The following TMEM117 variants were observed in gnomAD, a reference collection of about 807,000 sequenced individuals.
TMEM117 encodes the protein transmembrane protein 117.
In TMEM117, 27 loss-of-function variants were observed where a neutral mutation model predicts 52.4. The ratio of observed to expected loss-of-function variants is 0.51; its 90% CI spans 0.38 to 0.71. The LOEUF (loss-of-function observed/expected upper bound fraction) is 0.71. TMEM117 is among the 30% of genes least tolerant of loss of function. The pLI is 0.00. For missense variants in TMEM117, 556 were observed against 630.5 expected, an observed-to-expected ratio of 0.88 and a Z score of 1.26; for synonymous variants, 215 against 206.3, an observed-to-expected ratio of 1.04 and a Z score of -0.36.
intron 3 of TMEM117, among the ~76,000 whole-genome samples, chr12:44,115,983 A>G (rs1480051205): frequency 6.6e-6 from 1 of 152,224 alleles, no homozygotes; most frequent in Non-Finnish European, 1.5e-5. Context: ...GCTTCACATT[A>G]AAATAAATGG....
chr12:44,334,390 G>A (rs1951311788), intron 6 of TMEM117, among the ~76,000 whole-genome samples: 1 of 152,120 alleles, frequency 6.6e-6, no homozygotes, highest in African/African-American at 2.4e-5. Flanking sequence ...GCAAAGCTAT[G>A]TGACTTAATG....
chr12:43,990,655 G>A (rs1945923086), intron 3 of TMEM117, among the ~76,000 whole-genome samples: 1 of 152,086 alleles, frequency 6.6e-6, no homozygotes, highest in African/African-American at 2.4e-5. Context: ...AGATCTCAAA[G>A]CATCTTGCCT....
At chr12:43,936,883 G>C (rs1944959630) in intron 2 of TMEM117, among the ~76,000 whole-genome samples, 1 of 152,144 alleles carries the variant, frequency 6.6e-6, no homozygotes, top group Non-Finnish European at 1.5e-5. Context: ...TTGAAGTCTA[G>C]ATGAGAAAAC....
chr12:44,362,308 A>G (rs1951731765), intron 6 of TMEM117, among the ~76,000 whole-genome samples: 1 of 152,102 alleles, frequency 6.6e-6, no homozygotes, highest in Non-Finnish European at 1.5e-5. Context: ...CTCTTACCTC[A>G]TAGAGGTCTT....
intron 2 of TMEM117, among the ~76,000 whole-genome samples, chr12:43,857,146 C>T (rs1211180211): frequency 6.6e-6 from 1 of 152,130 alleles, no homozygotes; most frequent in Non-Finnish European, 1.5e-5. Context: ...CGCTAAAGGG[C>T]AATGAGCTTC....
chr12:43,946,485 A>T (rs1357489192), intron 3 of TMEM117, among the ~76,000 whole-genome samples: 2 of 151,562 alleles, frequency 1.3e-5, no homozygotes, highest in East Asian at 3.9e-4. Context: ...AATAAATTAA[A>T]TGCAATAAGT....
rs63547361 is a variant in TMEM117 at position 43,885,414 on chromosome 12, C to CTTTT, written c.277+40487_277+40490dup. 1.2e-4 allele frequency among the ~76,000 whole-genome samples: 17 copies of CTTTT among 136,936 alleles called. 3 individuals carry two copies. The highest frequency in any genetic ancestry group is 2.3e-4 in the South Asian group (1 of 4,424). The allele number at this position is 136,936 out of a possible 152,430, so 89.8% of individuals were successfully genotyped here. A position where few individuals can be genotyped will look rare whatever the true frequency, so the allele number is the denominator to read the frequency against. ...GCCTCCCCTATTTTCTTTTTCTTTT[C>CTTTT]TTTTCTTTTTTTTTTTGATATCCAG... is the stretch of plus-strand genomic sequence containing the variant. On this transcript the variant is annotated intron_variant, in intron 2 of 7. Transcript: ENST00000266534.
chr12:43,907,036 G>A (rs1278195229), intron 2 of TMEM117, among the ~76,000 whole-genome samples: 2 of 152,336 alleles, frequency 1.3e-5, no homozygotes, highest in South Asian at 4.2e-4. Context: ...CTCCACCTGT[G>A]GGGGCAGGGC....
At chr12:44,023,000 A>G (rs1015932928) in intron 3 of TMEM117, among the ~76,000 whole-genome samples, 5 of 152,214 alleles carry the variant, frequency 3.3e-5, no homozygotes, top group African/African-American at 1.2e-4. Flanking sequence ...CATGATGCCG[A>G]GTGCTTTTAT....
chr12:44,095,406 G>T (rs907848156), intron 3 of TMEM117, among the ~76,000 whole-genome samples: 6 of 152,096 alleles, frequency 3.9e-5, no homozygotes, highest in Non-Finnish European at 8.8e-5. Context: ...TGAATCTTAT[G>T]TTGAGAGTGG....
At chr12:44,143,110 T>C (rs932953089) in intron 3 of TMEM117, among the ~76,000 whole-genome samples, 2 of 152,098 alleles carry the variant, frequency 1.3e-5, no homozygotes, top group African/African-American at 4.8e-5. Flanking sequence ...CCCAGCATTT[T>C]TCCAATTGTT....
At chr12:44,029,307 G>A (rs1321499997) in intron 3 of TMEM117, among the ~76,000 whole-genome samples, 2 of 152,090 alleles carry the variant, frequency 1.3e-5, no homozygotes, top group South Asian at 2.1e-4. Context: ...TTGGCACTAT[G>A]GGATGTTAAC....
the TMEM117 span, among the ~76,000 whole-genome samples, chr12:43,807,291 T>G: frequency 6.6e-6 from 1 of 152,226 alleles, no homozygotes; most frequent in African/African-American, 2.4e-5. Flanking sequence ...TCCAGTACTA[T>G]ACGATGTATT....
At chr12:43,998,119 T>G (rs959837990) in intron 3 of TMEM117, among the ~76,000 whole-genome samples, 1 of 152,130 alleles carries the variant, frequency 6.6e-6, no homozygotes, top group African/African-American at 2.4e-5. Context: ...GAAGGTAAAA[T>G]CTATAGCAAA....
At chr12:44,115,314 G>A (rs1467381260) in intron 3 of TMEM117, among the ~76,000 whole-genome samples, 2 of 152,108 alleles carry the variant, frequency 1.3e-5, no homozygotes, top group Non-Finnish European at 2.9e-5. Flanking sequence ...GTTGTCGGGT[G>A]GGGAGAAGGG....
At chr12:44,320,560 C>T (rs1015569672) in intron 6 of TMEM117, among the ~76,000 whole-genome samples, 6 of 152,150 alleles carry the variant, frequency 3.9e-5, no homozygotes, top group African/African-American at 1.4e-4. Flanking sequence ...ATTTTACACT[C>T]TATTAAATTT....
intron 3 of TMEM117, chr12:44,010,248 A>G: frequency 2.2e-6 from 1 of 464,448 alleles, no homozygotes; most frequent in Non-Finnish European, 4.3e-6. Flanking sequence ...CAATGAGTAG[A>G]TCTTCCTAAG....
intron 5 of TMEM117, among the ~76,000 whole-genome samples, chr12:44,249,529 G>A (rs1950172207): frequency 6.6e-6 from 1 of 152,122 alleles, no homozygotes; most frequent in South Asian, 2.1e-4. Context: ...AGCCTGTGTA[G>A]CCAACACAAT....
chr12:44,151,830 GAAT>G (rs1948729845), intron 4 of TMEM117, among the ~76,000 whole-genome samples: 1 of 136,588 alleles, frequency 7.3e-6, no homozygotes, highest in African/African-American at 2.7e-5. Flanking sequence ...CACATATTTA[GAAT>G]AATGTTTATA....
Sources: gnomAD v4.1 joint callset for allele counts (sites outside exome capture counted in the v4.1 genomes callset) on GRCh38, gnomAD v4.1.1 for gene constraint, MANE v1.5 for transcripts, NCBI Gene and HGNC (gene_info 2026-07-23, HGNC 2026-07-21) for gene names.